NFIA: variants seen among roughly 807,000 people sequenced by gnomAD.
The protein encoded by NFIA is nuclear factor I A.
In NFIA, 8 loss-of-function variants were observed where a neutral mutation model predicts 62.8. The ratio of observed to expected loss-of-function variants is 0.13; its 90% CI spans 0.07 to 0.23. NFIA has a LOEUF of 0.23. Ranked by LOEUF, NFIA falls within the 10% of genes least tolerant of loss-of-function variation. The probability of loss-of-function intolerance (pLI) is 1.00; values close to 1 mark genes in which losing one functional copy is unlikely to be tolerated. For synonymous variants in NFIA, 235 were observed against 238.1 expected (o/e 0.99, Z 0.12); for missense variants, 410 against 642.1 (o/e 0.64, Z 3.91).
chr1:61,448,007 C>T (rs1222822937), intron 10 of NFIA, among the ~76,000 whole-genome samples: 1 of 152,114 alleles, frequency 6.6e-6, no homozygotes, highest in Admixed American at 6.5e-5. Context: ...TTTAGTTTTT[C>T]CCTTTTTTCC....
chr1:61,085,026 A>C (rs1490689980), intron 1 of NFIA, among the ~76,000 whole-genome samples: 1 of 152,090 alleles, frequency 6.6e-6, no homozygotes, highest in East Asian at 1.9e-4. Context: ...CTGCTTTTAA[A>C]AATTTATTTA....
At chr1:61,123,491 A>C (rs948881609) in intron 2 of NFIA, among the ~76,000 whole-genome samples, 2 of 152,224 alleles carry the variant, frequency 1.3e-5, no homozygotes, top group Non-Finnish European at 2.9e-5. Flanking sequence ...CAAAAGTGTT[A>C]CTGTTGGATC....
At chr1:61,211,155 C>T (rs113160286) in intron 2 of NFIA, among the ~76,000 whole-genome samples, 1 of 152,160 alleles carries the variant, frequency 6.6e-6, no homozygotes, top group Non-Finnish European at 1.5e-5. Context: ...ATTGTGATGA[C>T]TGCTGCCTCC....
At chr1:61,422,079 T>C (rs939230818) in intron 9 of NFIA, among the ~76,000 whole-genome samples, 2 of 151,990 alleles carry the variant, frequency 1.3e-5, no homozygotes, top group African/African-American at 4.8e-5. Flanking sequence ...CTGGGCAACA[T>C]AGGGAGACCT....
chr1:61,210,759 T>G (rs1018643787), intron 2 of NFIA, among the ~76,000 whole-genome samples: 1 of 152,208 alleles, frequency 6.6e-6, no homozygotes, highest in Non-Finnish European at 1.5e-5. Flanking sequence ...ACTGGACACC[T>G]CAAACCTGCC....
At position 61,159,971 on chromosome 1, in the gene NFIA, C is replaced by T. The variant is rs139753339; in HGVS notation, c.559+71291C>T. 7.5e-3 allele frequency among the ~76,000 whole-genome samples: 1,149 copies of T among 152,236 alleles called. 9 individuals are homozygous for T. The highest frequency in any genetic ancestry group is 0.012 in the Non-Finnish European group (791 of 68,018). ...TGCTGGGATTACAGGCGTGAGCCAC[C>T]GCGCCCGGCCTGTAGATGTAATTTT... On this transcript the variant is annotated intron_variant, in intron 2 of 10. Coordinates refer to ENST00000403491, the MANE Select transcript of NFIA (RefSeq NM_001134673.4).
intron 9 of NFIA, among the ~76,000 whole-genome samples, chr1:61,424,308 T>C (rs1283759838): frequency 6.6e-6 from 1 of 152,058 alleles, no homozygotes; most frequent in East Asian, 1.9e-4. Flanking sequence ...TTAGCAAGCT[T>C]GCTATAGTGA....
chr1:61,077,329 C>T (rs984439368), upstream of NFIA: 4 of 321,048 alleles, frequency 1.2e-5, no homozygotes, highest in Admixed American at 1.9e-4. Flanking sequence ...CCAGCCAGCC[C>T]GGGTTGGATC....
intron 2 of NFIA, among the ~76,000 whole-genome samples, chr1:61,223,034 G>C (rs897910675): frequency 6.6e-6 from 1 of 151,928 alleles, no homozygotes; most frequent in Non-Finnish European, 1.5e-5. Flanking sequence ...AAATGTTGCC[G>C]AATGTTTACA....
chr1:61,444,505 G>A (rs939347059), intron 10 of NFIA, among the ~76,000 whole-genome samples: 15 of 152,164 alleles, frequency 9.9e-5, no homozygotes, highest in African/African-American at 2.9e-4. Flanking sequence ...ATGAGGCTCC[G>A]TTATAAACTC....
At chr1:61,422,004 G>A (rs763404037) in intron 9 of NFIA, among the ~76,000 whole-genome samples, 4 of 152,180 alleles carry the variant, frequency 2.6e-5, no homozygotes, top group Admixed American at 6.5e-5. Context: ...GCTCACGCCT[G>A]TAATCCCAGC....
At chr1:61,092,442 A>G (rs1267731129) in intron 2 of NFIA, among the ~76,000 whole-genome samples, 3 of 152,162 alleles carry the variant, frequency 2.0e-5, no homozygotes, top group South Asian at 4.1e-4. Context: ...CCATGCTGCT[A>G]CCATTATTAC....
chr1:61,384,552 C>A (rs1293642957), intron 7 of NFIA, among the ~76,000 whole-genome samples: 1 of 152,040 alleles, frequency 6.6e-6, no homozygotes, highest in African/African-American at 2.4e-5. Context: ...ATTTGAAAAC[C>A]TGCATCAGAA....
chr1:61,168,758 A>G (rs1006921531), intron 2 of NFIA, among the ~76,000 whole-genome samples: 2 of 152,230 alleles, frequency 1.3e-5, no homozygotes, highest in Non-Finnish European at 1.5e-5. Flanking sequence ...CCCTGGCTAT[A>G]GCAATCTTGG....
intron 2 of NFIA, among the ~76,000 whole-genome samples, chr1:61,175,502 T>C (rs1195278115): frequency 6.6e-6 from 1 of 152,214 alleles, no homozygotes; most frequent in African/African-American, 2.4e-5. Context: ...AAAACTATTA[T>C]TGAATGTTGT....
At chr1:61,226,391 T>C (rs552598224) in intron 2 of NFIA, among the ~76,000 whole-genome samples, 2 of 152,324 alleles carry the variant, frequency 1.3e-5, no homozygotes, top group Non-Finnish European at 2.9e-5. Context: ...GTATCTGCTG[T>C]CCACATCCAT....
chr1:61,258,198 A>T (rs141823211), intron 2 of NFIA, among the ~76,000 whole-genome samples: 1 of 152,202 alleles, frequency 6.6e-6, no homozygotes, highest in African/African-American at 2.4e-5. Context: ...AATTTTGGAA[A>T]CAGCATTCTC....
chr1:61,281,681 A>G (rs1163222912), intron 3 of NFIA, among the ~76,000 whole-genome samples: 1 of 152,198 alleles, frequency 6.6e-6, no homozygotes, highest in Admixed American at 6.5e-5. Context: ...AGTGCTCAAG[A>G]AGGTGATTCT....
chr1:61,441,597 T>TA (rs1450984808), intron 10 of NFIA, among the ~76,000 whole-genome samples: 1 of 152,198 alleles, frequency 6.6e-6, no homozygotes, highest in Admixed American at 6.5e-5. Context: ...TTAATTAGAA[T>TA]AAAACTGAAA....
Sources: allele counts gnomAD v4.1 joint callset (sites outside exome capture counted in the v4.1 genomes callset), GRCh38; gene constraint gnomAD v4.1.1; transcripts MANE v1.5; gene names NCBI Gene and HGNC (gene_info 2026-07-23, HGNC 2026-07-21).